Variants in SGIP1 observed in about 807,000 individuals in gnomAD.
SGIP1 encodes the protein SH3GL interacting endocytic adaptor 1.
SGIP1 carries 38 observed loss-of-function variants against 107.5 expected under a neutral mutation model. The observed-to-expected ratio is 0.35, with a 90% CI of 0.27 to 0.46. The LOEUF (loss-of-function observed/expected upper bound fraction) is 0.46. SGIP1 is among the 20% of genes least tolerant of loss of function. The pLI, the probability that SGIP1 is intolerant of heterozygous loss-of-function variation, is 1.00. For missense variants in SGIP1, 929 were observed against 1,019.5 expected (o/e 0.91, Z 1.21); for synonymous variants, 365 against 366.1 (o/e 1.00, Z 0.03).
At chr1:66,673,582 T>C (rs1055387392) in intron 12 of SGIP1, among the ~76,000 whole-genome samples, 4 of 152,186 alleles carry the variant, frequency 2.6e-5, no homozygotes, top group South Asian at 2.1e-4. Context: ...AAATATCTAA[T>C]AGCTAAGAAG....
At chr1:66,642,043 C>T (rs553588151) in intron 5 of SGIP1, among the ~76,000 whole-genome samples, 2 of 152,210 alleles carry the variant, frequency 1.3e-5, no homozygotes, top group Non-Finnish European at 2.9e-5. Context: ...AGTTCTTCTG[C>T]CCCAAGGCTA....
intron 18 of SGIP1, among the ~76,000 whole-genome samples, chr1:66,716,832 C>T (rs771520647): frequency 6.6e-6 from 1 of 152,012 alleles, no homozygotes; most frequent in African/African-American, 2.4e-5. Flanking sequence ...TTATATAAAA[C>T]TCTTCATGAC....
In SGIP1 at chr1:66,736,589, G is replaced by A. The variant is rs564042954; in HGVS notation, c.2031+2709G>A. ...ATTATATGTGAATATAATATATTGC[G>A]TATTATATGTGAATATAATATATTG... On this transcript the variant is annotated intron_variant, in intron 21 of 24. Coordinates refer to ENST00000371037, the MANE Select transcript of SGIP1 (RefSeq NM_032291.4). 1.3e-3 allele frequency among the ~76,000 whole-genome samples: 176 copies of A among 135,638 alleles called. 19 individuals are homozygous for A. Among genetic ancestry groups the A allele is most frequent in the African/African-American group, 4.7e-3 (170 of 36,242 alleles). The allele number at this position is 135,638 out of a possible 152,430, so 89.0% of individuals were successfully genotyped here.
chr1:66,546,790 T>C (rs748841454), intron 1 of SGIP1, among the ~76,000 whole-genome samples: 2 of 152,116 alleles, frequency 1.3e-5, no homozygotes, highest in Non-Finnish European at 2.9e-5. Context: ...ATTAGAAAAA[T>C]TCTAATATCT....
intron 18 of SGIP1, among the ~76,000 whole-genome samples, chr1:66,707,480 T>C (rs904592458): frequency 6.6e-6 from 1 of 152,216 alleles, no homozygotes; most frequent in Non-Finnish European, 1.5e-5. Flanking sequence ...TCCAGAATTT[T>C]ATCTGCATTA....
chr1:66,542,368 T>G (rs978729663), intron 1 of SGIP1, among the ~76,000 whole-genome samples: 2 of 152,230 alleles, frequency 1.3e-5, no homozygotes, highest in African/African-American at 4.8e-5. Context: ...CAAAATATTT[T>G]GTTATACAGT....
At chr1:66,665,605 C>G (rs2082369755) in intron 8 of SGIP1, among the ~76,000 whole-genome samples, 1 of 152,166 alleles carries the variant, frequency 6.6e-6, no homozygotes, top group Non-Finnish European at 1.5e-5. Flanking sequence ...AAAAACATTC[C>G]TATTTCTCCA....
intron 7 of SGIP1, 89 bp from the exon 8 acceptor site, chr1:66,660,424 A>G: frequency 1.6e-6 from 2 of 1,255,462 alleles, no homozygotes; most frequent in Non-Finnish European, 2.3e-6. Flanking sequence ...AAGTAAGGTT[A>G]TCCTGAACCT....
intron 14 of SGIP1, among the ~76,000 whole-genome samples, chr1:66,681,427 C>A (rs2086667795): frequency 6.6e-6 from 1 of 152,156 alleles, no homozygotes; most frequent in Non-Finnish European, 1.5e-5. Context: ...TTTGACTTCT[C>A]AATTCTTATA....
chr1:66,606,416 G>T (rs2066854220), intron 1 of SGIP1, among the ~76,000 whole-genome samples: 1 of 152,142 alleles, frequency 6.6e-6, no homozygotes, highest in African/African-American at 2.4e-5. Context: ...TAACTGGTTT[G>T]GGTTTTTTTC....
rs750412603 is a variant in SGIP1 at position 66,743,102 on chromosome 1, C to A, written c.*7C>A. On this transcript the variant is annotated 3_prime_UTR_variant, in exon 25 of 25. Transcript: ENST00000371037. Reference sequence around the variant, plus strand: ...ATACTTGGCAGATAACTAATGAAATCTTATGCAAGGATTTGGAGGATTCAT... The same window carrying A: ...ATACTTGGCAGATAACTAATGAAATATTATGCAAGGATTTGGAGGATTCAT... The A allele has an allele frequency of 1.9e-6, 3 of 1,612,928 alleles. No homozygotes were observed. The highest frequency in any genetic ancestry group is 3.3e-5 in the Admixed American group (2 of 59,970).
At position 66,729,283 on chromosome 1, in the gene SGIP1, G is replaced by A; in HGVS notation, c.1762G>A (p.Gly588Arg). 2 of 1,613,884 alleles carry A rather than the reference G, an allele frequency of 1.2e-6. No homozygotes were observed. The highest frequency in any genetic ancestry group is 1.7e-6 in the Non-Finnish European group (2 of 1,179,944). Residue 588 changes from glycine (G) to arginine (R), a missense_variant, in exon 20 of 25, where the codon GGA becomes AGA. By Grantham distance (125) the Gly-to-Arg change is moderately radical. Around this residue, in one of 2 missense-constraint regions of SGIP1, gnomAD observed 341 missense variants for 430.9 expected, o/e 0.79. Coordinates refer to ENST00000371037, the MANE Select transcript of SGIP1 (RefSeq NM_032291.4). Reference protein sequence around the residue: ...DPSKCIVKITGEMVLSFPAGI... With the variant: ...DPSKCIVKITREMVLSFPAGI... ...TGCCAGATGTATCGTTAAGATTACC[G>A]GAGAAATGGTGTTGTCATTTCCTGC...
intron 1 of SGIP1, among the ~76,000 whole-genome samples, chr1:66,559,702 G>A (rs2058663254): frequency 6.6e-6 from 1 of 151,990 alleles, no homozygotes; most frequent in Non-Finnish European, 1.5e-5. Flanking sequence ...AGGCAGAAAG[G>A]AGCTGTCTCT....
chr1:66,714,753 C>G (rs992649990), intron 18 of SGIP1, among the ~76,000 whole-genome samples: 8 of 152,108 alleles, frequency 5.3e-5, no homozygotes, highest in Admixed American at 4.6e-4. Context: ...CCCAAGGCCA[C>G]AGAGCTCTTA....
intron 1 of SGIP1, among the ~76,000 whole-genome samples, chr1:66,542,036 T>C (rs992196220): frequency 3.9e-5 from 6 of 152,148 alleles, no homozygotes; most frequent in African/African-American, 1.4e-4. Context: ...GCAGAGGATA[T>C]GTTCCAAGAT....
intron 1 of SGIP1, among the ~76,000 whole-genome samples, chr1:66,574,124 A>T (rs1447164256): frequency 2.0e-5 from 3 of 152,100 alleles, no homozygotes; most frequent in African/African-American, 7.2e-5. Context: ...AGTCATTCAG[A>T]AACCCAGGTT....
At chr1:66,652,901 A>G (rs1253073031) in intron 7 of SGIP1, among the ~76,000 whole-genome samples, 1 of 152,176 alleles carries the variant, frequency 6.6e-6, no homozygotes, top group African/African-American at 2.4e-5. Flanking sequence ...TTATTTAGTA[A>G]ATTAGAAGGC....
intron 1 of SGIP1, among the ~76,000 whole-genome samples, chr1:66,572,508 C>T (rs72916347): frequency 0.019 from 2,818 of 152,072 alleles, 85 homozygotes; most frequent in African/African-American, 0.065. Flanking sequence ...GAAATATGTC[C>T]TTATGGAGGT....
At position 66,729,282 on chromosome 1, in the gene SGIP1, C is replaced by T. The variant is rs369539238; in HGVS notation, c.1761C>T (p.Thr587=). The T allele has an allele frequency of 1.6e-5, 26 of 1,613,828 alleles. No individual in the cohort carries two copies. The African/African-American group carries it at 2.8e-4, about 17-fold the overall frequency. ...ADPSKCIVKI[T]GEMVLSFPAG... ...ATGCCAGATGTATCGTTAAGATTAC[C>T]GGAGAAATGGTGTTGTCATTTCCTG... The change falls in exon 20 of 25, where the codon ACC becomes ACT. Residue 587 remains threonine (T), a synonymous_variant. Transcript: ENST00000371037.
Sources: gnomAD v4.1 joint callset for allele counts (sites outside exome capture counted in the v4.1 genomes callset) on GRCh38, gnomAD v4.1.1 for gene constraint, gnomAD v4.1.1 regional missense constraint, MANE v1.5 for transcripts, NCBI Gene and HGNC (gene_info 2026-07-23, HGNC 2026-07-21) for gene names.